The following ARHGAP26 variants were observed in gnomAD, a reference collection of about 807,000 sequenced individuals.
ARHGAP26 encodes the protein Rho GTPase activating protein 26.
A neutral mutation model predicts 104.8 loss-of-function variants in ARHGAP26; 38 were observed. The ratio of observed to expected loss-of-function variants is 0.36; its 90% CI spans 0.28 to 0.48. ARHGAP26 has a LOEUF of 0.48. Among genes scored for constraint, ARHGAP26 ranks in the 20% least tolerant of loss-of-function variants. The pLI, the probability that ARHGAP26 is intolerant of heterozygous loss-of-function variation, is 0.99. For missense variants in ARHGAP26, 704 were observed against 947.9 expected (o/e 0.74, Z 3.38); for synonymous variants, 341 against 340.0 (o/e 1.00, Z -0.03).
At chr5:142,858,192 T>C (rs1355729676) in intron 1 of ARHGAP26, among the ~76,000 whole-genome samples, 1 of 152,098 alleles carries the variant, frequency 6.6e-6, no homozygotes, top group Non-Finnish European at 1.5e-5. Context: ...GGTTTTTGTA[T>C]TTACCTGATG....
At chr5:142,921,734 C>T (rs554553537) in intron 10 of ARHGAP26, 1 of 157,466 alleles carries the variant, frequency 6.4e-6, no homozygotes, top group East Asian at 1.9e-4. Flanking sequence ...AGCTGTGTGA[C>T]TCTGGGTAAG....
chr5:142,845,386 A>G (rs1039921874), intron 1 of ARHGAP26, among the ~76,000 whole-genome samples: 1 of 152,120 alleles, frequency 6.6e-6, no homozygotes, highest in Non-Finnish European at 1.5e-5. Flanking sequence ...AAGAATAGCA[A>G]ATGTCCAAGG....
intron 17 of ARHGAP26, among the ~76,000 whole-genome samples, chr5:143,083,731 T>A (rs1213515096): frequency 2.0e-5 from 3 of 152,180 alleles, no homozygotes; most frequent in African/African-American, 7.2e-5. Flanking sequence ...ACTCCTGAAC[T>A]CAGGTGATCC....
At chr5:142,996,273 C>CA (rs1776373365) in intron 11 of ARHGAP26, among the ~76,000 whole-genome samples, 1 of 152,120 alleles carries the variant, frequency 6.6e-6, no homozygotes, top group Non-Finnish European at 1.5e-5. Context: ...GTGGGCAGAT[C>CA]ACCTGTCAGA....
chr5:143,064,921 G>T (rs1374915889), intron 17 of ARHGAP26, among the ~76,000 whole-genome samples: 9 of 152,304 alleles, frequency 5.9e-5, no homozygotes, highest in South Asian at 2.1e-4. Flanking sequence ...AGCTGTTAAT[G>T]TTCAGCAGTC....
intron 17 of ARHGAP26, 93 bp from the exon 18 acceptor site, chr5:143,120,895 C>T (rs1289134100): frequency 7.6e-7 from 1 of 1,315,352 alleles, no homozygotes; most frequent in Non-Finnish European, 1.0e-6. Flanking sequence ...GATGAGGAGT[C>T]TATAAATAGG....
At chr5:143,005,662 T>C (rs1562245508) in intron 11 of ARHGAP26, among the ~76,000 whole-genome samples, 1 of 152,242 alleles carries the variant, frequency 6.6e-6, no homozygotes, top group Non-Finnish European at 1.5e-5. Flanking sequence ...AAGAGATAAG[T>C]TGCTTATATC....
At chr5:142,927,819 A>G (rs1363139972) in intron 10 of ARHGAP26, among the ~76,000 whole-genome samples, 1 of 152,160 alleles carries the variant, frequency 6.6e-6, no homozygotes, top group Admixed American at 6.5e-5. Context: ...ATTTTTTGCC[A>G]GTATTGGTTA....
At chr5:143,115,106 G>A (rs112975979) in intron 17 of ARHGAP26, among the ~76,000 whole-genome samples, 4,498 of 152,190 alleles carry the variant, frequency 0.03, 243 homozygotes, top group African/African-American at 0.1. Context: ...GCTGAGGCAG[G>A]TGGATCACCT....
At chr5:143,096,944 C>G (rs912194114) in intron 17 of ARHGAP26, among the ~76,000 whole-genome samples, 6 of 152,202 alleles carry the variant, frequency 3.9e-5, no homozygotes, top group African/African-American at 1.4e-4. Context: ...CTAGCCACCT[C>G]TTAAAAGAAG....
intron 3 of ARHGAP26, among the ~76,000 whole-genome samples, chr5:142,876,547 G>C (rs1756121995): frequency 6.6e-6 from 1 of 152,022 alleles, no homozygotes; most frequent in African/African-American, 2.4e-5. Flanking sequence ...ATGCCGAGGT[G>C]AGAGGATCGC....
chr5:142,962,490 A>G (rs1770423215), intron 11 of ARHGAP26, among the ~76,000 whole-genome samples: 2 of 152,238 alleles, frequency 1.3e-5, no homozygotes, highest in African/African-American at 4.8e-5. Flanking sequence ...TAATAATATG[A>G]TAACGGATAC....
intron 17 of ARHGAP26, among the ~76,000 whole-genome samples, chr5:143,081,414 G>T (rs1789790694): frequency 6.6e-6 from 1 of 152,198 alleles, no homozygotes; most frequent in Non-Finnish European, 1.5e-5. Context: ...GCTGTTTGGG[G>T]AATATATTAC....
rs948255954 is a variant in ARHGAP26 at position 143,060,458 on chromosome 5, G to T, written c.1538+2711G>T. On this transcript the variant is annotated intron_variant, in intron 17 of 22. Transcript: ENST00000645722. ...TCAGAGGGGAAAAAAAGTATTGGGT[G>T]GGGGGAAGGATAAAAACTCCAAACC... Among the ~76,000 whole-genome samples the T allele has an allele frequency of 2.4e-4, 36 of 152,044 alleles. 1 individual carries two copies. The highest frequency in any genetic ancestry group is 3.2e-4 in the Non-Finnish European group (22 of 68,026).
chr5:143,191,831 T>C (rs1277315075), intron 20 of ARHGAP26, among the ~76,000 whole-genome samples: 1 of 152,216 alleles, frequency 6.6e-6, no homozygotes, highest in Non-Finnish European at 1.5e-5. Flanking sequence ...AATGTCTGAA[T>C]GTCCCCTTCC....
At chr5:143,147,409 C>T (rs200028591) in intron 20 of ARHGAP26, 28 bp downstream of exon 20, 116 of 1,602,174 alleles carry the variant, frequency 7.2e-5, no homozygotes, top group Non-Finnish European at 9.5e-5. Context: ...CTGCCTACCC[C>T]ACAAGGGCTT....
At chr5:142,792,495 C>A (rs949113944) in intron 1 of ARHGAP26, among the ~76,000 whole-genome samples, 3 of 152,150 alleles carry the variant, frequency 2.0e-5, no homozygotes, top group African/African-American at 7.2e-5. Flanking sequence ...ACACAGATGC[C>A]CTGTTTGGCG....
chr5:142,982,286 C>G (rs748089480), intron 11 of ARHGAP26, among the ~76,000 whole-genome samples: 4 of 152,268 alleles, frequency 2.6e-5, no homozygotes, highest in Non-Finnish European at 5.9e-5. Flanking sequence ...CTTGGGGATG[C>G]CTGCACTGGC....
At chr5:143,188,365 A>G (rs1250776929) in intron 20 of ARHGAP26, among the ~76,000 whole-genome samples, 1 of 152,122 alleles carries the variant, frequency 6.6e-6, no homozygotes, top group Non-Finnish European at 1.5e-5. Flanking sequence ...TTAGGCCCCA[A>G]CCCTGCCATA....
Sources: allele counts gnomAD v4.1 joint callset (sites outside exome capture counted in the v4.1 genomes callset), GRCh38; gene constraint gnomAD v4.1.1; transcripts MANE v1.5; gene names NCBI Gene and HGNC (gene_info 2026-07-23, HGNC 2026-07-21).